Variants in TMEM14C observed in about 807,000 individuals in gnomAD.
TMEM14C encodes transmembrane protein 14C, also known as chromosome 6 open reading frame 53.
Under a neutral mutation model 14.8 loss-of-function variants are expected in TMEM14C, and 13 were observed. That is an observed-to-expected ratio of 0.88 (90% CI 0.57 to 1.40). The LOEUF (loss-of-function observed/expected upper bound fraction) is 1.40. TMEM14C is among the 40% of genes most tolerant of loss of function. The pLI, the probability that TMEM14C is intolerant of heterozygous loss-of-function variation, is 0.00. For synonymous variants in TMEM14C, 57 were observed against 51.3 expected, an observed-to-expected ratio of 1.11 and a Z score of -0.48; for missense variants, 142 against 138.8, an observed-to-expected ratio of 1.02 and a Z score of -0.12.
intron 3 of TMEM14C, among the ~76,000 whole-genome samples, chr6:10,725,595 T>C (rs1041100373): frequency 6.6e-6 from 1 of 152,174 alleles, no homozygotes; most frequent in African/African-American, 2.4e-5. Context: ...CAGTCCTTCA[T>C]GGTTGATCAG....
intron 2 of TMEM14C, 139 bp from the exon 3 acceptor site, chr6:10,724,822 G>A: frequency 7.4e-7 from 1 of 1,344,248 alleles, no homozygotes; most frequent in Non-Finnish European, 1.1e-6. Context: ...GTGACTCTCA[G>A]AAAGTCATCC....
chr6:10,726,135 C>T (rs188386694), intron 4 of TMEM14C, 127 bp downstream of exon 4: 33 of 1,035,134 alleles, frequency 3.2e-5, no homozygotes, highest in Non-Finnish European at 4.7e-5. Context: ...CTGCTTCTAC[C>T]AAGTCCTCAG....
At chr6:10,727,747 G>T (rs1655973241) in intron 4 of TMEM14C, among the ~76,000 whole-genome samples, 1 of 152,122 alleles carries the variant, frequency 6.6e-6, no homozygotes, top group African/African-American at 2.4e-5. Context: ...CTTGATCCCA[G>T]GAGGTGGAGG....
At chr6:10,726,574 C>T (rs1199429081) in intron 4 of TMEM14C, among the ~76,000 whole-genome samples, 1 of 152,144 alleles carries the variant, frequency 6.6e-6, no homozygotes, top group African/African-American at 2.4e-5. Flanking sequence ...CCTGTAGTCC[C>T]AGCTACTTGG....
intron 4 of TMEM14C, 93 bp from the exon 5 acceptor site, chr6:10,728,547 G>T: frequency 7.6e-7 from 1 of 1,323,076 alleles, no homozygotes. Flanking sequence ...TGAGGCGTGA[G>T]CCTTGAGAGA....
At chr6:10,725,440 G>T (rs897148192) in intron 3 of TMEM14C, among the ~76,000 whole-genome samples, 9 of 152,272 alleles carry the variant, frequency 5.9e-5, no homozygotes, top group Non-Finnish European at 5.9e-5. Context: ...CTGTGCTTGT[G>T]TTTGCCCCCT....
intron 4 of TMEM14C, among the ~76,000 whole-genome samples, chr6:10,726,211 A>T (rs995775953): frequency 6.6e-6 from 1 of 152,166 alleles, no homozygotes; most frequent in Non-Finnish European, 1.5e-5. Flanking sequence ...TTACATACAG[A>T]ACATGGAAGG....
chr6:10,725,800 T>G (rs1446180657), intron 3 of TMEM14C, 107 bp from the exon 4 acceptor site: 6 of 1,381,860 alleles, frequency 4.3e-6, no homozygotes, highest in Middle Eastern at 2.5e-4. Flanking sequence ...TGAGCTGTGT[T>G]GAGAGTTCTC....
chr6:10,725,768 C>T (rs1384028701), intron 3 of TMEM14C, 139 bp from the exon 4 acceptor site: 6 of 986,846 alleles, frequency 6.1e-6, no homozygotes, highest in Non-Finnish European at 8.9e-6. Flanking sequence ...TAACGTCTTC[C>T]TGCTTGAGTC....
At chr6:10,730,569 G>A in intron 5 of TMEM14C, 46 bp from the exon 6 acceptor site, 1 of 1,595,776 alleles carries the variant, frequency 6.3e-7, no homozygotes, top group Non-Finnish European at 8.6e-7. Flanking sequence ...ATAGTTGCCT[G>A]TTCTGTCCTT....
chr6:10,726,602 A>T (rs1389393938), intron 4 of TMEM14C, among the ~76,000 whole-genome samples: 3 of 152,186 alleles, frequency 2.0e-5, no homozygotes, highest in Non-Finnish European at 2.9e-5. Flanking sequence ...AGGCAGGAGA[A>T]TCACTTGAAC....
chr6:10,724,868 G>A, intron 2 of TMEM14C, 93 bp from the exon 3 acceptor site: 2 of 1,480,428 alleles, frequency 1.4e-6, no homozygotes, highest in Non-Finnish European at 1.9e-6. Flanking sequence ...GATAGGACCT[G>A]TGGGGAATGA....
At chr6:10,729,898 G>T (rs1436093756) in intron 5 of TMEM14C, among the ~76,000 whole-genome samples, 1 of 152,180 alleles carries the variant, frequency 6.6e-6, no homozygotes, top group Non-Finnish European at 1.5e-5. Flanking sequence ...AGGAGTTCAA[G>T]ACCAGTCTGC....
chr6:10,728,463 A>G lies in TMEM14C; in HGVS notation c.200-177A>G, dbSNP rs547239869. 2.0e-5 allele frequency among the ~76,000 whole-genome samples: 3 copies of G among 152,344 alleles called. No homozygotes were observed. The South Asian group carries it at 6.2e-4, about 32-fold the overall frequency. ...CTGTGAAGGGCCCTATTTGGCCAAT[A>G]TTGGTACTAGGACCCATAGGATGTG... On this transcript the variant is annotated intron_variant, in intron 4 of 5. Transcript: ENST00000229563.
intron 3 of TMEM14C, 58 bp downstream of exon 3, chr6:10,725,095 GA>G: frequency 6.3e-7 from 1 of 1,597,194 alleles, no homozygotes; most frequent in Non-Finnish European, 8.6e-7. Context: ...AGTGAAATGT[GA>G]ATGCCCGTGT....
intron 2 of TMEM14C, 68 bp downstream of exon 2, chr6:10,724,701 A>G (rs1664861701): frequency 6.7e-7 from 1 of 1,503,230 alleles, no homozygotes; most frequent in Admixed American, 1.8e-5. Flanking sequence ...TCCTTAGCTG[A>G]AAAGAACCTT....
At chr6:10,729,425 G>A (rs1449437607) in intron 5 of TMEM14C, among the ~76,000 whole-genome samples, 2 of 152,042 alleles carry the variant, frequency 1.3e-5, no homozygotes, top group Non-Finnish European at 2.9e-5. Flanking sequence ...GACCCACTGC[G>A]GCTGGCCCTG....
At chr6:10,728,490 G>A in intron 4 of TMEM14C, 150 bp from the exon 5 acceptor site, 1 of 789,190 alleles carries the variant, frequency 1.3e-6, no homozygotes, top group South Asian at 1.8e-5. Context: ...TAGGATGTGG[G>A]CAGTCAGTAG....
intron 5 of TMEM14C, 169 bp downstream of exon 5, chr6:10,728,896 G>T: frequency 6.8e-7 from 1 of 1,466,636 alleles, no homozygotes. Context: ...CTAGTTTAAT[G>T]TCAAAATGGC....
Sources: gnomAD v4.1 joint callset for allele counts (sites outside exome capture counted in the v4.1 genomes callset) on GRCh38, gnomAD v4.1.1 for gene constraint, MANE v1.5 for transcripts, NCBI Gene and HGNC (gene_info 2026-07-23, HGNC 2026-07-21) for gene names.